COL25A1: variants seen among roughly 807,000 people sequenced by gnomAD.
COL25A1 encodes collagen type XXV alpha 1 chain, also known as collagen alpha-1(XXV) chain.
In COL25A1, 103 loss-of-function variants were observed where a neutral mutation model predicts 128.4. The observed-to-expected ratio is 0.80, with a 90% confidence interval of 0.68 to 0.94. The LOEUF (loss-of-function observed/expected upper bound fraction) is 0.94, where lower values mean the gene tolerates loss of function less well. COL25A1 is among the 40% of genes least tolerant of loss of function. The pLI is 0.00. For missense variants in COL25A1, 745 were observed against 840.0 expected (o/e 0.89, Z 1.40); for synonymous variants, 279 against 277.2 (o/e 1.01, Z -0.06).
At chr4:109,095,979 T>C (rs1560684372) in intron 3 of COL25A1, among the ~76,000 whole-genome samples, 1 of 152,138 alleles carries the variant, frequency 6.6e-6, no homozygotes, top group Non-Finnish European at 1.5e-5. Flanking sequence ...AAGTTGAAGA[T>C]GAATTCACTA....
intron 3 of COL25A1, among the ~76,000 whole-genome samples, chr4:109,079,171 T>A (rs74902307): frequency 0.015 from 2,300 of 152,306 alleles, 51 homozygotes; most frequent in East Asian, 0.078. Context: ...ATCCCAAGAT[T>A]CAGACTGAAC....
intron 3 of COL25A1, among the ~76,000 whole-genome samples, chr4:109,288,962 T>TATACACACACAC (rs1021982305): frequency 3.1e-4 from 41 of 133,604 alleles, no homozygotes; most frequent in African/African-American, 1.1e-3. Flanking sequence ...AAATTATATA[T>TATACACACACAC]ACACACACAC....
intron 3 of COL25A1, among the ~76,000 whole-genome samples, chr4:109,126,768 T>G (rs568395337): frequency 6.6e-6 from 1 of 152,268 alleles, no homozygotes; most frequent in East Asian, 1.9e-4. Context: ...CCCAACTTTA[T>G]GTTTTATATT....
At chr4:108,981,937 G>A (rs917834378) in intron 6 of COL25A1, among the ~76,000 whole-genome samples, 1 of 152,154 alleles carries the variant, frequency 6.6e-6, no homozygotes, top group Non-Finnish European at 1.5e-5. Context: ...TAGGCACGGT[G>A]GCTCATGCAG....
chr4:108,983,934 G>A (rs62314654), intron 6 of COL25A1, among the ~76,000 whole-genome samples: 19,907 of 152,040 alleles, frequency 0.13, 1,993 homozygotes, highest in East Asian at 0.4. Context: ...GGACCCAAGC[G>A]GGTTGCCACT....
chr4:109,104,755 A>G (rs1766255539), intron 3 of COL25A1, among the ~76,000 whole-genome samples: 3 of 152,234 alleles, frequency 2.0e-5, no homozygotes, highest in Admixed American at 2.0e-4. Flanking sequence ...CCTATAAATT[A>G]AAGGAAACGT....
At chr4:109,179,426 A>T (rs1014447670) in intron 3 of COL25A1, among the ~76,000 whole-genome samples, 16 of 152,206 alleles carry the variant, frequency 1.1e-4, no homozygotes, top group African/African-American at 3.1e-4. Context: ...GACTTCTAAT[A>T]TGCATTCGTG....
At chr4:109,048,140 C>T (rs781453545) in intron 5 of COL25A1, 28 bp downstream of exon 5, 1 of 1,610,496 alleles carries the variant, frequency 6.2e-7, no homozygotes, top group Non-Finnish European at 8.5e-7. Context: ...TAAATGCAAA[C>T]AAGCCAAAGT....
chr4:108,966,801 G>A (rs1013326827), intron 8 of COL25A1, among the ~76,000 whole-genome samples: 3 of 151,854 alleles, frequency 2.0e-5, no homozygotes, highest in Middle Eastern at 6.8e-3. Flanking sequence ...GCAGTGAGCC[G>A]TGATTGTGGC....
chr4:109,064,688 T>C (rs1253567438), intron 3 of COL25A1, among the ~76,000 whole-genome samples: 1 of 152,218 alleles, frequency 6.6e-6, no homozygotes, highest in African/African-American at 2.4e-5. Flanking sequence ...TACAGAATAT[T>C]AGACTTCTTA....
At chr4:108,929,491 C>T (rs943854402) in intron 11 of COL25A1, among the ~76,000 whole-genome samples, 1 of 151,876 alleles carries the variant, frequency 6.6e-6, no homozygotes, top group Non-Finnish European at 1.5e-5. Flanking sequence ...TTAGTTATAA[C>T]GTGCATATTT....
chr4:109,111,698 A>C (rs1767040819), intron 3 of COL25A1, among the ~76,000 whole-genome samples: 1 of 152,108 alleles, frequency 6.6e-6, no homozygotes, highest in Non-Finnish European at 1.5e-5. Context: ...TCCCCTTTCC[A>C]GAGTCATTAA....
intron 6 of COL25A1, among the ~76,000 whole-genome samples, chr4:108,977,192 C>G (rs191311392): frequency 6.6e-6 from 1 of 152,064 alleles, no homozygotes; most frequent in Non-Finnish European, 1.5e-5. Context: ...GACACTAGTC[C>G]CAGCGTCTCA....
chr4:109,018,922 C>T (rs564172830), intron 5 of COL25A1, among the ~76,000 whole-genome samples: 276 of 152,266 alleles, frequency 1.8e-3, no homozygotes, highest in Non-Finnish European at 2.3e-3. Flanking sequence ...AAAAGGAAGT[C>T]TTACTGTATT....
chr4:108,983,247 G>A (rs890286870), intron 6 of COL25A1, among the ~76,000 whole-genome samples: 1 of 151,940 alleles, frequency 6.6e-6, no homozygotes, highest in Non-Finnish European at 1.5e-5. Flanking sequence ...GAAAGACTTG[G>A]AATCCTAAAC....
intron 3 of COL25A1, among the ~76,000 whole-genome samples, chr4:109,058,503 C>T (rs1199614456): frequency 6.6e-6 from 1 of 151,950 alleles, no homozygotes; most frequent in Non-Finnish European, 1.5e-5. Flanking sequence ...GAGTGGTAGA[C>T]ACCTCTTTTA....
chr4:109,064,292 A>G (rs1162542389), intron 3 of COL25A1, among the ~76,000 whole-genome samples: 1 of 152,190 alleles, frequency 6.6e-6, no homozygotes, highest in East Asian at 1.9e-4. Context: ...TTTTAACACG[A>G]TATGCACAGA....
At chr4:109,066,485 G>A (rs1458106906) in intron 3 of COL25A1, among the ~76,000 whole-genome samples, 1 of 152,190 alleles carries the variant, frequency 6.6e-6, no homozygotes, top group East Asian at 1.9e-4. Context: ...CACATATCAT[G>A]TTGTATTGCA....
intron 3 of COL25A1, among the ~76,000 whole-genome samples, chr4:109,300,374 T>C (rs1725395865): frequency 6.6e-6 from 1 of 152,224 alleles, no homozygotes; most frequent in Non-Finnish European, 1.5e-5. Context: ...TATCCTTTGC[T>C]TTCCCATAAC....
Sources: allele counts gnomAD v4.1 joint callset (sites outside exome capture counted in the v4.1 genomes callset), GRCh38; gene constraint gnomAD v4.1.1; transcripts MANE v1.5; gene names NCBI Gene and HGNC (gene_info 2026-07-23, HGNC 2026-07-21).